Variants in HIVEP1 observed in about 807,000 individuals in gnomAD.
HIVEP1 encodes HIVEP zinc finger 1, also known as zinc finger protein 40.
HIVEP1 carries 36 observed loss-of-function variants against 180.0 expected under a neutral mutation model. The ratio of observed to expected loss-of-function variants is 0.20; its 90% CI spans 0.15 to 0.26. The LOEUF (loss-of-function observed/expected upper bound fraction) is 0.26. Ranked by LOEUF, HIVEP1 falls within the 10% of genes least tolerant of loss-of-function variation. HIVEP1 has a pLI of 1.00. For missense variants in HIVEP1, 3,143 were observed against 3,268.7 expected, an observed-to-expected ratio of 0.96 and a Z score of 0.94; for synonymous variants, 1,239 against 1,239.0, an observed-to-expected ratio of 1.00 and a Z score of 0.00.
intron 3 of HIVEP1, among the ~76,000 whole-genome samples, chr6:12,104,486 T>C (rs1774315780): frequency 7.1e-6 from 1 of 140,770 alleles, no homozygotes. Flanking sequence ...CAGGCTGATA[T>C]AAGCTCACTA....
upstream of HIVEP1, among the ~76,000 whole-genome samples, chr6:12,010,191 A>G (rs1767199657): frequency 6.6e-6 from 1 of 152,258 alleles, no homozygotes; most frequent in African/African-American, 2.4e-5. Flanking sequence ...TAGCACAATG[A>G]AAATAAAAAT....
At position 12,040,694 on chromosome 6, in the gene HIVEP1, T is replaced by A. The variant is rs74290156; in HGVS notation, c.40+25026T>A. Among the ~76,000 whole-genome samples the A allele has an allele frequency of 0.012, 1,776 of 152,322 alleles. 64 individuals carry two copies. In the East Asian group the frequency reaches 0.15, roughly 13 times the overall value. Reference sequence around the variant, plus strand: ...GTATTAGGCCGTTCTTACATTGCTATAAAGCAGTACCTGAGACTGAGTAAT... The same window carrying A: ...GTATTAGGCCGTTCTTACATTGCTAAAAAGCAGTACCTGAGACTGAGTAAT... On this transcript the variant is annotated intron_variant, in intron 2 of 8. Coordinates refer to ENST00000379388, the MANE Select transcript of HIVEP1 (RefSeq NM_002114.4).
Position 12,122,246 on chromosome 6 carries a change from T to A in HIVEP1, c.2451T>A (p.Thr817=). ...TACCGAAGTCACCTTTCACCCCTACTGAAAAATCAAAGCAAGTGTTTCTTC... is the reference window on the plus strand; with the variant it reads ...TACCGAAGTCACCTTTCACCCCTACAGAAAAATCAAAGCAAGTGTTTCTTC... ...SDIPKSPFTP[T]EKSKQVFLLS... Residue 817 remains threonine, a synonymous_variant, in exon 4 of 9, where the codon ACT becomes ACA. Transcript: ENST00000379388. The A allele has an allele frequency of 1.2e-6, 2 of 1,614,226 alleles. No homozygotes were observed. Among genetic ancestry groups the A allele is most frequent in the Non-Finnish European group, 8.5e-7 (1 of 1,180,028 alleles).
intron 2 of HIVEP1, chr6:12,037,677 G>C: frequency 2.5e-6 from 1 of 399,712 alleles, no homozygotes; most frequent in East Asian, 3.6e-5. Context: ...CAGGGAGAAT[G>C]AAATCTAAAT....
At chr6:12,172,634 TA>T in the HIVEP1 span, among the ~76,000 whole-genome samples, 2 of 152,286 alleles carry the variant, frequency 1.3e-5, no homozygotes, top group East Asian at 1.9e-4. Flanking sequence ...AGTGTTTTAT[TA>T]AAAAAACTCA....
chr6:12,016,539 T>TAAAATCAATTTGGC (rs1455730658), intron 2 of HIVEP1, among the ~76,000 whole-genome samples: 1 of 152,036 alleles, frequency 6.6e-6, no homozygotes, highest in Non-Finnish European at 1.5e-5. Flanking sequence ...TGTTTTTTGG[T>TAAAATCAATTTGGC]AAAATCAATT....
At chr6:12,131,056 T>C (rs756380764) in intron 6 of HIVEP1, 114 bp downstream of exon 6, 8 of 615,970 alleles carry the variant, frequency 1.3e-5, no homozygotes, top group Non-Finnish European at 2.2e-5. Flanking sequence ...TAGACTAATG[T>C]CAATTACATC....
intron 3 of HIVEP1, among the ~76,000 whole-genome samples, chr6:12,107,757 G>C (rs1022779199): frequency 6.6e-6 from 1 of 152,194 alleles, no homozygotes; most frequent in Non-Finnish European, 1.5e-5. Flanking sequence ...CCACAGCGTA[G>C]AAGGGGACCC....
intron 2 of HIVEP1, among the ~76,000 whole-genome samples, chr6:12,040,969 C>T (rs1366409443): frequency 6.6e-6 from 1 of 152,198 alleles, no homozygotes; most frequent in Non-Finnish European, 1.5e-5. Context: ...AGGGGTGTGT[C>T]CCCATGATCC....
At chr6:12,053,349 G>C (rs1051124296) in intron 2 of HIVEP1, among the ~76,000 whole-genome samples, 10 of 146,168 alleles carry the variant, frequency 6.8e-5, no homozygotes, top group African/African-American at 2.5e-4. Flanking sequence ...TAAAAGAAGA[G>C]TGGGATTTTT....
intron 2 of HIVEP1, among the ~76,000 whole-genome samples, chr6:12,048,594 A>G (rs1570989): frequency 0.78 from 119,417 of 152,132 alleles, 46,941 homozygotes; most frequent in Middle Eastern, 0.93. Flanking sequence ...ACCTGGATAC[A>G]CTCTCTAATT....
At chr6:12,040,711 CTGAG>C (rs910108861) in intron 2 of HIVEP1, among the ~76,000 whole-genome samples, 3 of 152,172 alleles carry the variant, frequency 2.0e-5, no homozygotes, top group African/African-American at 7.2e-5. Flanking sequence ...GTACCTGAGA[CTGAG>C]TAATTTCTAA....
chr6:12,082,731 A>G (rs896137034), intron 2 of HIVEP1, among the ~76,000 whole-genome samples: 3 of 152,142 alleles, frequency 2.0e-5, no homozygotes, highest in African/African-American at 4.8e-5. Flanking sequence ...GGATATAGTC[A>G]CTGCATTACT....
At chr6:12,145,515 TA>T (rs202193525) in intron 7 of HIVEP1, among the ~76,000 whole-genome samples, 30,616 of 103,676 alleles carry the variant, frequency 0.3, 3,432 homozygotes, top group East Asian at 0.5. Flanking sequence ...ACTTAAAGTA[TA>T]AAAAAAAAAA....
intron 2 of HIVEP1, among the ~76,000 whole-genome samples, chr6:12,047,716 C>T (rs566653681): frequency 5.3e-5 from 8 of 152,314 alleles, no homozygotes; most frequent in African/African-American, 1.2e-4. Context: ...ATGTTTCCTT[C>T]GGTTTTCACC....
the HIVEP1 span, among the ~76,000 whole-genome samples, chr6:12,176,683 T>G: frequency 2.1e-5 from 3 of 140,258 alleles, no homozygotes; most frequent in Admixed American, 1.4e-4. Flanking sequence ...CAAAGCATTG[T>G]TTTTTTTTCT....
intron 7 of HIVEP1, among the ~76,000 whole-genome samples, chr6:12,156,214 T>G (rs1191860785): frequency 6.6e-6 from 1 of 152,222 alleles, no homozygotes; most frequent in South Asian, 2.1e-4. Flanking sequence ...TTCACTCTGA[T>G]GATAGTTCCT....
chr6:12,192,848 CTTT>C, the HIVEP1 span, among the ~76,000 whole-genome samples: 1 of 145,392 alleles, frequency 6.9e-6, no homozygotes, highest in Non-Finnish European at 1.5e-5. Flanking sequence ...TTGAAACATA[CTTT>C]TTTTTTTTTT....
At chr6:12,090,735 C>CTTTTTTTTTTTTTTTTTTTTTT (rs35266647) in intron 3 of HIVEP1, among the ~76,000 whole-genome samples, 11 of 82,438 alleles carry the variant, frequency 1.3e-4, no homozygotes, top group African/African-American at 4.2e-4. Context: ...TATAGCCAGC[C>CTTTTTTTTTTTTTTTTTTTTTT]TTTTTTTTTT....
Sources: allele counts gnomAD v4.1 joint callset (sites outside exome capture counted in the v4.1 genomes callset), GRCh38; gene constraint gnomAD v4.1.1; transcripts MANE v1.5; gene names NCBI Gene and HGNC (gene_info 2026-07-23, HGNC 2026-07-21).